The following WASL variants were observed in gnomAD, a reference collection of about 807,000 sequenced individuals.
The protein encoded by WASL is WASP like actin nucleation promoting factor, also known as actin nucleation-promoting factor WASL.
Under a neutral mutation model 55.5 loss-of-function variants are expected in WASL, and 20 were observed. That is an observed-to-expected ratio of 0.36 (90% CI 0.25 to 0.52). WASL has a LOEUF of 0.52. Among genes scored for constraint, WASL ranks in the 20% least tolerant of loss-of-function variants. The pLI, the probability that WASL is intolerant of heterozygous loss-of-function variation, is 0.92. For missense variants in WASL, 504 were observed against 622.5 expected (o/e 0.81, Z 2.03); for synonymous variants, 249 against 217.6 (o/e 1.14, Z -1.27).
chr7:123,699,223 C>T lies in WASL; in HGVS notation c.461-2476G>A, dbSNP rs28627283. On this transcript the variant is annotated intron_variant, in intron 5 of 10. Coordinates refer to ENST00000223023, the MANE Select transcript of WASL (RefSeq NM_003941.4). ...ATATGGTGAAACCGCGCCTCTAATA[C>T]AAAAATTAGCCGGGCGTGGTGGTGT... is the stretch of plus-strand genomic sequence containing the variant. Among the ~76,000 whole-genome samples, 1,245 of 152,042 alleles carry T rather than the reference C, an allele frequency of 8.2e-3. 18 individuals carry two copies. Among genetic ancestry groups the T allele is most frequent in the African/African-American group, 0.028 (1,180 of 41,468 alleles).
intron 1 of WASL, among the ~76,000 whole-genome samples, chr7:123,719,042 C>T (rs561450100): frequency 4.7e-4 from 72 of 152,266 alleles, no homozygotes; most frequent in African/African-American, 1.7e-3. Context: ...GCTTCCACAG[C>T]GATGTTCCAC....
chr7:123,710,477 C>T (rs1160582110), intron 1 of WASL, among the ~76,000 whole-genome samples: 1 of 151,876 alleles, frequency 6.6e-6, no homozygotes, highest in African/African-American at 2.4e-5. Flanking sequence ...CTGAGGGGTG[C>T]CCTTTTTTGG....
chr7:123,706,890 G>T, intron 2 of WASL, 64 bp from the exon 3 acceptor site: 1 of 980,782 alleles, frequency 1.0e-6, no homozygotes, highest in Non-Finnish European at 1.5e-6. Context: ...ATAAAACAAA[G>T]AAGATGACTC....
intron 5 of WASL, among the ~76,000 whole-genome samples, chr7:123,702,678 G>A (rs1404888529): frequency 1.3e-5 from 2 of 152,060 alleles, no homozygotes; most frequent in Non-Finnish European, 2.9e-5. Context: ...CAGCCTTTTG[G>A]CTAAGACCAA....
At chr7:123,694,946 T>C in intron 7 of WASL, 78 bp from the exon 8 acceptor site, 1 of 1,456,340 alleles carries the variant, frequency 6.9e-7, no homozygotes, top group African/African-American at 1.4e-5. Context: ...ATCTGTGTCC[T>C]TCTGAAATTA....
chr7:123,703,870 T>A (rs1803626477), intron 5 of WASL, among the ~76,000 whole-genome samples: 1 of 152,198 alleles, frequency 6.6e-6, no homozygotes. Context: ...TGGAGAATGA[T>A]TCTTTACCTT....
At chr7:123,694,122 G>A (rs949839945) in intron 8 of WASL, among the ~76,000 whole-genome samples, 2 of 152,042 alleles carry the variant, frequency 1.3e-5, no homozygotes, top group Non-Finnish European at 2.9e-5. Flanking sequence ...GTCCTAATAA[G>A]GTAGCAAAGA....
At chr7:123,727,353 T>TCTCACACA (rs1554406247) in intron 1 of WASL, among the ~76,000 whole-genome samples, 2 of 147,710 alleles carry the variant, frequency 1.4e-5, no homozygotes, top group African/African-American at 5.0e-5. Context: ...AAAATATGTG[T>TCTCACACA]CACACACACA....
At chr7:123,730,688 C>G (rs1804122466) in intron 1 of WASL, among the ~76,000 whole-genome samples, 2 of 152,056 alleles carry the variant, frequency 1.3e-5, no homozygotes, top group African/African-American at 4.8e-5. Context: ...ATCCAACTGC[C>G]AATAATCGTA....
At chr7:123,692,055 T>G (rs1022728336) in intron 9 of WASL, among the ~76,000 whole-genome samples, 4 of 152,194 alleles carry the variant, frequency 2.6e-5, no homozygotes, top group African/African-American at 9.6e-5. Flanking sequence ...AGATCAGTGA[T>G]TGTTTATGGA....
chr7:123,721,846 G>C (rs1157388857), intron 1 of WASL, among the ~76,000 whole-genome samples: 2 of 151,910 alleles, frequency 1.3e-5, no homozygotes, highest in Non-Finnish European at 2.9e-5. Flanking sequence ...TTGAACCCAG[G>C]AGACAGAGGC....
At chr7:123,727,388 T>C (rs954751529) in intron 1 of WASL, among the ~76,000 whole-genome samples, 1 of 97,544 alleles carries the variant, frequency 1.0e-5, no homozygotes, top group African/African-American at 4.3e-5. Flanking sequence ...CACACAAACT[T>C]ATACAAGAAC....
intron 7 of WASL, among the ~76,000 whole-genome samples, 191 bp from the exon 8 acceptor site, chr7:123,695,059 T>C (rs1803470197): frequency 6.6e-6 from 1 of 152,200 alleles, no homozygotes. Flanking sequence ...TCTTCTTTTT[T>C]GTTCCCTGCC....
intron 1 of WASL, among the ~76,000 whole-genome samples, chr7:123,742,759 A>G (rs1804365411): frequency 1.3e-5 from 2 of 152,228 alleles, no homozygotes; most frequent in African/African-American, 2.4e-5. Flanking sequence ...CTGCTGTTTT[A>G]AAAGTGAAAT....
chr7:123,748,573 CGTGAGGTAAT>C (rs1584879013), intron 1 of WASL, 35 bp downstream of exon 1: 1 of 1,599,094 alleles, frequency 6.3e-7, no homozygotes, highest in Middle Eastern at 1.7e-4. Flanking sequence ...AGCCCGGGCC[CGTGAGGTAAT>C]GTCACGGGTG....
intron 5 of WASL, among the ~76,000 whole-genome samples, chr7:123,701,785 G>A (rs1400479975): frequency 6.6e-6 from 1 of 152,076 alleles, no homozygotes; most frequent in Non-Finnish European, 1.5e-5. Flanking sequence ...AAGCAAGATA[G>A]TTGAATGCAA....
At chr7:123,699,566 T>C (rs570259597) in intron 5 of WASL, among the ~76,000 whole-genome samples, 3 of 152,312 alleles carry the variant, frequency 2.0e-5, no homozygotes, top group Admixed American at 6.5e-5. Flanking sequence ...ATGACTAGCA[T>C]GGAAACACAG....
At chr7:123,729,532 A>G (rs1804105637) in intron 1 of WASL, among the ~76,000 whole-genome samples, 1 of 152,162 alleles carries the variant, frequency 6.6e-6, no homozygotes, top group Non-Finnish European at 1.5e-5. Context: ...ATTACTCCAA[A>G]CTGTTCCTAG....
chr7:123,686,199 A>ATTAT lies in WASL; in HGVS notation c.1457-1623_1457-1620dup, dbSNP rs996186882. 4.1e-4 allele frequency among the ~76,000 whole-genome samples: 62 copies of ATTAT among 151,688 alleles called. No individual in the cohort carries two copies. In the Middle Eastern group the frequency reaches 0.014, roughly 33 times the overall value. On this transcript the variant is annotated intron_variant, in intron 10 of 10. Transcript: ENST00000223023. ...GTTACTTTTAAAACGATAATTATTT[A>ATTAT]TTATTTATTTATTTATTTATTTAAG...
Sources: gnomAD v4.1 joint callset for allele counts (sites outside exome capture counted in the v4.1 genomes callset) on GRCh38, gnomAD v4.1.1 for gene constraint, MANE v1.5 for transcripts, NCBI Gene and HGNC (gene_info 2026-07-23, HGNC 2026-07-21) for gene names.